PDCD1LG2: variants seen among roughly 807,000 people sequenced by gnomAD.
The protein encoded by PDCD1LG2 is B7 dendritic cell molecule.
PDCD1LG2 carries 32 observed loss-of-function variants against 28.2 expected under a neutral mutation model. The observed-to-expected ratio is 1.13, with a 90% CI of 0.86 to 1.52. The LOEUF (loss-of-function observed/expected upper bound fraction) is 1.52. PDCD1LG2 is among the 40% of genes most tolerant of loss of function. PDCD1LG2 has a pLI of 0.00. For synonymous variants in PDCD1LG2, 116 were observed against 120.2 expected (o/e 0.97, Z 0.23); for missense variants, 385 against 323.8 (o/e 1.19, Z -1.45).
rs951145 is a variant in PDCD1LG2 at position 5,536,361 on chromosome 9, G to A, written c.361+1311G>A. Among the ~76,000 whole-genome samples, 13 of 152,204 alleles carry A rather than the reference G, an allele frequency of 8.5e-5. No individual in the cohort carries two copies. In the East Asian group the frequency reaches 2.5e-3, roughly 29 times the overall value. On this transcript the variant is annotated intron_variant, in intron 3 of 6. Transcript: ENST00000397747. ...TAAAAGACCCTCAGTTGTTACAGGG[G>A]CAGTGACCTCCTCACACCTCAACCA...
chr9:5,546,662 A>T (rs1045097695), intron 3 of PDCD1LG2, among the ~76,000 whole-genome samples: 32 of 152,204 alleles, frequency 2.1e-4, no homozygotes, highest in African/African-American at 7.7e-4. Flanking sequence ...ATCCCTAGAC[A>T]TCTGCAATTA....
In PDCD1LG2 at chr9:5,526,746, A is replaced by AT. The variant is rs538828336; in HGVS notation, c.55+4151dup. ...AGCCATCACTCTCAGCCTGCCCTTTATTTTTTCATGAAAGAAATTGCTGAA... is the reference window on the plus strand; with the variant it reads ...AGCCATCACTCTCAGCCTGCCCTTTATTTTTTTCATGAAAGAAATTGCTGAA... On this transcript the variant is annotated intron_variant, in intron 2 of 6. Coordinates refer to ENST00000397747, the MANE Select transcript of PDCD1LG2 (RefSeq NM_025239.4). 6.6e-5 allele frequency among the ~76,000 whole-genome samples: 10 copies of AT among 152,210 alleles called. No homozygotes were observed. In the South Asian group the frequency reaches 2.1e-3, roughly 32 times the overall value.
chr9:5,562,983 T>G (rs1258005482), intron 5 of PDCD1LG2, among the ~76,000 whole-genome samples, 179 bp from the exon 6 acceptor site: 1 of 152,232 alleles, frequency 6.6e-6, no homozygotes, highest in Non-Finnish European at 1.5e-5. Flanking sequence ...TCACACTCTT[T>G]GCCTAGGGGC....
intron 1 of PDCD1LG2, among the ~76,000 whole-genome samples, chr9:5,521,315 C>T (rs931052335): frequency 3.9e-5 from 6 of 152,120 alleles, no homozygotes; most frequent in Middle Eastern, 3.4e-3. Flanking sequence ...TGCACAACTC[C>T]GTGAACATAC....
Position 5,535,011 on chromosome 9 carries a change from G to T in PDCD1LG2, c.322G>T (p.Val108Phe), listed in dbSNP as rs1820553711. 6.2e-7 allele frequency: 1 copy of T among 1,613,332 alleles called. No individual in the cohort carries two copies. The highest frequency in any genetic ancestry group is 1.3e-5 in the African/African-American group (1 of 74,898). The change falls in exon 3 of 7, where the codon GTC becomes TTC. Residue 108 changes from valine (V) to phenylalanine (F), a missense_variant. Coordinates refer to ENST00000397747, the MANE Select transcript of PDCD1LG2 (RefSeq NM_025239.4). ...GQYQCIIIYG[V>F]AWDYKYLTLK... ...GTACCAATGCATAATCATCTATGGG[G>T]TCGCCTGGGACTACAAGTACCTGAC...
At position 5,533,525 on chromosome 9, in the gene PDCD1LG2, T is replaced by C. The variant is rs553157971; in HGVS notation, c.56-1220T>C. Among the ~76,000 whole-genome samples, 360 of 152,298 alleles carry C rather than the reference T, an allele frequency of 2.4e-3. 2 individuals carry two copies. The highest frequency in any genetic ancestry group is 3.2e-3 in the Non-Finnish European group (220 of 68,014). ...TGTTATCTACCCGGAAGCTTCCTGT[T>C]TGATTAAAAGGAAAAATAGCCAGTG... On this transcript the variant is annotated intron_variant, in intron 2 of 6. Transcript: ENST00000397747.
rs1816727121 is a variant in PDCD1LG2 at position 5,569,362 on chromosome 9, T to C, written c.817-592T>C. Among the ~76,000 whole-genome samples, 2 of 152,116 alleles carry C rather than the reference T, an allele frequency of 1.3e-5. No homozygotes were observed. Among genetic ancestry groups the C allele is most frequent in the South Asian group, 2.1e-4 (1 of 4,828 alleles). On this transcript the variant is annotated intron_variant, in intron 6 of 6. Transcript: ENST00000397747. This position sits in a 1 kb window ranked among gnomAD's most constrained non-coding sequence, Gnocchi z 4.1. Reference sequence around the variant, plus strand: ...GGGGAGGGAGCAGTTCCCAGAACCCTAGTAAAAATGGCAATGAGAAAGGTC... The same window carrying C: ...GGGGAGGGAGCAGTTCCCAGAACCCCAGTAAAAATGGCAATGAGAAAGGTC...
At chr9:5,553,373 T>C (rs1816375738) in intron 4 of PDCD1LG2, among the ~76,000 whole-genome samples, 1 of 152,232 alleles carries the variant, frequency 6.6e-6, no homozygotes, top group African/African-American at 2.4e-5. Flanking sequence ...GAGAACTTTT[T>C]TCCCCTGGAA....
chr9:5,558,152 G>A lies in PDCD1LG2; in HGVS notation c.766+400G>A, dbSNP rs962149044. The stretch of plus-strand genomic sequence containing the variant: ...TTTCACCCCTCTTTTCCCCAGTCTG[G>A]ATATGACCTGGGTTAAACCCACCCC... On this transcript the variant is annotated intron_variant, in intron 5 of 6. Coordinates refer to ENST00000397747, the MANE Select transcript of PDCD1LG2 (RefSeq NM_025239.4). 2.0e-5 allele frequency among the ~76,000 whole-genome samples: 3 copies of A among 152,254 alleles called. No individual in the cohort carries two copies. In the South Asian group the frequency reaches 6.2e-4, roughly 32 times the overall value.
chr9:5,520,605 A>G (rs1820255103), intron 1 of PDCD1LG2, among the ~76,000 whole-genome samples: 1 of 152,234 alleles, frequency 6.6e-6, no homozygotes, highest in Admixed American at 6.5e-5. Flanking sequence ...CTTAGGTATT[A>G]CACCTAAAGC....
chr9:5,532,265 T>A (rs1317855112), intron 2 of PDCD1LG2, among the ~76,000 whole-genome samples: 4 of 152,206 alleles, frequency 2.6e-5, no homozygotes, highest in African/African-American at 9.7e-5. Context: ...TGGGCACACG[T>A]GAACTCCTCT....
chr9:5,563,461 TAGAAAC>T (rs1470186732), intron 6 of PDCD1LG2, among the ~76,000 whole-genome samples: 4 of 152,172 alleles, frequency 2.6e-5, no homozygotes, highest in Admixed American at 6.5e-5. Flanking sequence ...CTCACATAGT[TAGAAAC>T]AGAGTTAAAA....
At chr9:5,545,754 A>G (rs1407259219) in intron 3 of PDCD1LG2, among the ~76,000 whole-genome samples, 1 of 152,216 alleles carries the variant, frequency 6.6e-6, no homozygotes, top group Non-Finnish European at 1.5e-5. Flanking sequence ...GAACAACACA[A>G]TTAGCCATCT....
intron 4 of PDCD1LG2, among the ~76,000 whole-genome samples, chr9:5,556,401 C>T (rs535734105): frequency 6.6e-5 from 10 of 152,338 alleles, no homozygotes; most frequent in African/African-American, 2.2e-4. Context: ...ATGTTAATCA[C>T]ACTCTTTTGG....
rs1350137566 is a variant in PDCD1LG2 at position 5,534,887 on chromosome 9, A to AT, written c.199dup (p.Ser67PhefsTer5). 1 of 1,614,136 alleles carries AT rather than the reference A, an allele frequency of 6.2e-7. No individual in the cohort carries two copies. On this transcript the variant is annotated frameshift_variant, in exon 3 of 7. Coordinates refer to ENST00000397747, the MANE Select transcript of PDCD1LG2 (RefSeq NM_025239.4). LOFTEE classifies it high-confidence loss of function. ...GTTTGCAAAAGGTGGAAAATGATACATCCCCACACCGTGAAAGAGCCACTT... is the reference window on the plus strand; with the variant it reads ...GTTTGCAAAAGGTGGAAAATGATACATTCCCCACACCGTGAAAGAGCCACTT...
intron 1 of PDCD1LG2, among the ~76,000 whole-genome samples, chr9:5,520,462 G>C (rs774914812): frequency 7.2e-5 from 11 of 152,102 alleles, no homozygotes; most frequent in Non-Finnish European, 1.5e-4. Context: ...TTTGTATATG[G>C]TATGAGGTAA....
intron 1 of PDCD1LG2, among the ~76,000 whole-genome samples, chr9:5,520,629 G>T (rs995738003): frequency 4.0e-5 from 6 of 151,804 alleles, no homozygotes; most frequent in Non-Finnish European, 8.8e-5. Flanking sequence ...AACAATAAAA[G>T]AAAAAAGTAG....
At chr9:5,531,334 T>A (rs1360374005) in intron 2 of PDCD1LG2, among the ~76,000 whole-genome samples, 7 of 152,228 alleles carry the variant, frequency 4.6e-5, no homozygotes. Flanking sequence ...CCTAAACCTC[T>A]TATTTTGTAT....
At chr9:5,568,156 A>G (rs1816702080) in intron 6 of PDCD1LG2, among the ~76,000 whole-genome samples, 1 of 152,228 alleles carries the variant, frequency 6.6e-6, no homozygotes, top group African/African-American at 2.4e-5. Context: ...GTGAAATTAG[A>G]GTGGAGGACA....
Sources: gnomAD v4.1 joint callset for allele counts (sites outside exome capture counted in the v4.1 genomes callset) on GRCh38, gnomAD v4.1.1 for gene constraint, Gnocchi (gnomAD v3.1) non-coding constraint, MANE v1.5 for transcripts, NCBI Gene and HGNC (gene_info 2026-07-23, HGNC 2026-07-21) for gene names.